Variants in ADGRG2 observed in about 807,000 individuals in gnomAD.
The protein encoded by ADGRG2 is G protein-coupled receptor 64.
A neutral mutation model predicts 74.1 loss-of-function variants in ADGRG2; 26 were observed. The ratio of observed to expected loss-of-function variants is 0.35; its 90% confidence interval spans 0.26 to 0.49. The LOEUF (loss-of-function observed/expected upper bound fraction) is 0.49. ADGRG2 is among the 20% of genes least tolerant of loss of function. The pLI is 0.99. For missense variants in ADGRG2, 619 were observed against 763.1 expected (o/e 0.81, Z 2.22); for synonymous variants, 296 against 295.2 (o/e 1.00, Z -0.03).
chrX:19,072,488 G>A (rs2061670966), intron 2 of ADGRG2, among the ~76,000 whole-genome samples: 1 of 111,787 alleles, frequency 8.9e-6, no homozygotes, highest in African/African-American at 3.3e-5. Context: ...CTAACTCGTA[G>A]GGCAGGACCT....
At chrX:19,045,858 A>G (rs1227017343) in intron 3 of ADGRG2, among the ~76,000 whole-genome samples, 1 of 111,185 alleles carries the variant, frequency 9.0e-6, no homozygotes, top group Admixed American at 9.5e-5. Flanking sequence ...TCTTGTCTAC[A>G]TAGTGGGAAT....
chrX:19,024,049 T>C lies in ADGRG2; in HGVS notation c.471-101A>G, dbSNP rs1893107112. 1.6e-5 allele frequency: 9 copies of C among 554,194 alleles called. No individual in the cohort carries two copies. The South Asian group carries it at 2.4e-4, about 15-fold the overall frequency. The allele number at this position is 554,194 out of a possible 1,213,427, so 45.7% of individuals were successfully genotyped here. Reference sequence around the variant, plus strand: ...AATTAAATCAAGCACATGGTATACATTGCTTATGGTGTTCACTTTGAAGAA... The same window carrying C: ...AATTAAATCAAGCACATGGTATACACTGCTTATGGTGTTCACTTTGAAGAA... On this transcript the variant is annotated intron_variant, in intron 11 of 28. Coordinates refer to ENST00000379869, the MANE Select transcript of ADGRG2 (RefSeq NM_001079858.3).
intron 3 of ADGRG2, among the ~76,000 whole-genome samples, chrX:19,054,181 A>G (rs1049821261): frequency 1.2e-4 from 13 of 111,626 alleles, no homozygotes; most frequent in Non-Finnish European, 2.3e-4. Context: ...TTTTCTCCTT[A>G]TATTATTTGC....
intron 1 of ADGRG2, among the ~76,000 whole-genome samples, chrX:19,097,372 G>A (rs764348795): frequency 1.2e-4 from 14 of 112,246 alleles, no homozygotes; most frequent in African/African-American, 3.9e-4. Context: ...TTAGCCAGGC[G>A]TGGTAGCAGG....
upstream of ADGRG2, chrX:19,122,633 G>T (rs907182707): frequency 3.7e-5 from 4 of 109,588 alleles, no homozygotes; most frequent in African/African-American, 1.3e-4. Flanking sequence ...GGCGAGGCTG[G>T]GCGCGGAGGT....
intron 8 of ADGRG2, chrX:19,032,764 G>C (rs2060852782): frequency 8.9e-6 from 1 of 111,802 alleles, no homozygotes; most frequent in Non-Finnish European, 1.9e-5. Context: ...AAGCAAAGGG[G>C]CATGGTAGTG....
In ADGRG2 at chrX:19,046,282, T is replaced by C. The variant is rs185381306; in HGVS notation, c.119-6058A>G. On this transcript the variant is annotated intron_variant, in intron 3 of 28. Coordinates refer to ENST00000379869, the MANE Select transcript of ADGRG2 (RefSeq NM_001079858.3). Reference sequence around the variant, plus strand: ...TAAGTTTTGGGAGATGACCCCTTTATGTCGGCTCCCTGGCCCTCTAAAGCA... The same window carrying C: ...TAAGTTTTGGGAGATGACCCCTTTACGTCGGCTCCCTGGCCCTCTAAAGCA... Among the ~76,000 whole-genome samples, 62 of 112,657 alleles carry C rather than the reference T, an allele frequency of 5.5e-4. 1 individual carries two copies. In the East Asian group the frequency reaches 0.015, roughly 27 times the overall value.
chrX:19,020,286 G>C (rs1409451740), intron 14 of ADGRG2, among the ~76,000 whole-genome samples: 3 of 111,804 alleles, frequency 2.7e-5, no homozygotes, highest in Admixed American at 9.6e-5. Context: ...AGTTGATATA[G>C]CCATTCTGTG....
intron 2 of ADGRG2, among the ~76,000 whole-genome samples, chrX:19,079,796 T>C (rs951593885): frequency 6.2e-5 from 7 of 112,058 alleles, no homozygotes; most frequent in Non-Finnish European, 1.1e-4. Flanking sequence ...CTTTATTCAA[T>C]AAAACAAGTG....
intron 25 of ADGRG2, 36 bp downstream of exon 25, chrX:18,999,824 GT>G (rs767609920): frequency 4.8e-6 from 4 of 839,609 alleles, no homozygotes; most frequent in Non-Finnish European, 7.2e-6. Flanking sequence ...CCGTTTTCCA[GT>G]TCACTTAGCA....
chrX:19,120,595 C>T (rs1346702707), intron 1 of ADGRG2, among the ~76,000 whole-genome samples: 1 of 111,820 alleles, frequency 8.9e-6, no homozygotes, highest in Admixed American at 9.5e-5. Context: ...CTCCATCACC[C>T]ACCATCTCAA....
intron 1 of ADGRG2, among the ~76,000 whole-genome samples, chrX:19,109,332 G>A (rs929124666): frequency 8.9e-6 from 1 of 111,764 alleles, no homozygotes; most frequent in Non-Finnish European, 1.9e-5. Context: ...GTCAAAAAGC[G>A]AATCATCTGC....
intron 3 of ADGRG2, among the ~76,000 whole-genome samples, chrX:19,047,247 G>A (rs563647400): frequency 1.8e-5 from 2 of 111,643 alleles, no homozygotes; most frequent in South Asian, 7.6e-4. Flanking sequence ...CTACAGTGGT[G>A]ACCTCAATAA....
chrX:19,049,431 T>C (rs1453016038), intron 3 of ADGRG2, among the ~76,000 whole-genome samples: 2 of 102,069 alleles, frequency 2.0e-5, no homozygotes, highest in African/African-American at 7.6e-5. Context: ...ATATAAGCGT[T>C]TTTTGTGTTT....
intron 1 of ADGRG2, among the ~76,000 whole-genome samples, chrX:19,118,199 C>T (rs2062556998): frequency 9.0e-6 from 1 of 111,592 alleles, no homozygotes; most frequent in Non-Finnish European, 1.9e-5. Flanking sequence ...ATATTATTGC[C>T]ATTTGCAGAC....
chrX:19,064,995 G>T (rs1249781345), intron 3 of ADGRG2, among the ~76,000 whole-genome samples: 4 of 110,811 alleles, frequency 3.6e-5, no homozygotes, highest in African/African-American at 1.3e-4. Flanking sequence ...CATGAGCAGG[G>T]CGTGGTGGCT....
chrX:19,006,323 C>T (rs1601865327), intron 20 of ADGRG2, 58 bp from the exon 21 acceptor site: 2 of 716,101 alleles, frequency 2.8e-6, no homozygotes, highest in South Asian at 5.0e-5. Context: ...AAAAAAAAAG[C>T]AAAACTGAAA....
At chrX:19,111,146 T>C (rs1224826835) in intron 1 of ADGRG2, among the ~76,000 whole-genome samples, 2 of 111,700 alleles carry the variant, frequency 1.8e-5, no homozygotes, top group Admixed American at 1.9e-4. Context: ...TGAATGGTGA[T>C]GTCATGGACT....
At chrX:19,114,174 G>A (rs1022230234) in intron 1 of ADGRG2, among the ~76,000 whole-genome samples, 2 of 109,985 alleles carry the variant, frequency 1.8e-5, no homozygotes, top group Admixed American at 9.8e-5. Context: ...ATCCATTAGG[G>A]GCATTTCAGT....
Sources: gnomAD v4.1 joint callset for allele counts (sites outside exome capture counted in the v4.1 genomes callset) on GRCh38, gnomAD v4.1.1 for gene constraint, MANE v1.5 for transcripts, NCBI Gene and HGNC (gene_info 2026-07-23, HGNC 2026-07-21) for gene names.